ARSF: variants seen among roughly 807,000 people sequenced by gnomAD.
ARSF encodes the protein arylsulfatase F.
ARSF carries 33 observed loss-of-function variants against 35.4 expected under a neutral mutation model. That is an observed-to-expected ratio of 0.93 (90% CI 0.71 to 1.25). The LOEUF is 1.25. Ranked by LOEUF, ARSF falls within the 50% of genes most tolerant of loss-of-function variation. The pLI, the probability that ARSF is intolerant of heterozygous loss-of-function variation, is 0.00. For synonymous variants in ARSF, 222 were observed against 193.1 expected, an observed-to-expected ratio of 1.15 and a Z score of -1.24; for missense variants, 501 against 480.2, an observed-to-expected ratio of 1.04 and a Z score of -0.40.
chrX:3,045,222 G>A (rs1314962104), intron 1 of ARSF, among the ~76,000 whole-genome samples: 3 of 111,944 alleles, frequency 2.7e-5, no homozygotes, highest in African/African-American at 9.7e-5. Context: ...TGGTAATGAA[G>A]TGGCATCATT....
chrX:3,084,571 C>T lies in ARSF; in HGVS notation c.735C>T (p.Cys245=), dbSNP rs1224131442. The T allele has an allele frequency of 1.7e-6, 2 of 1,211,368 alleles. No individual in the cohort carries two copies. Among genetic ancestry groups the T allele is most frequent in the Admixed American group, 4.3e-5 (2 of 45,978 alleles). Residue 245 remains cysteine (C), a synonymous_variant, in exon 6 of 11, where the codon TGC becomes TGT. Coordinates refer to ENST00000381127, the MANE Select transcript of ARSF (RefSeq NM_001201539.2). ...SSHTSPLYWD[C]LLMRGHEITE... ...ACACGTCCCCTTTATACTGGGACTG[C>T]CTCCTCATGCGGGGGCACGAGATCA...
chrX:3,100,613 T>G (rs1392261812), intron 7 of ARSF, among the ~76,000 whole-genome samples: 1 of 112,217 alleles, frequency 8.9e-6, no homozygotes, highest in African/African-American at 3.2e-5. Flanking sequence ...TTTTTTGTTT[T>G]TTTGAGATGA....
Position 3,076,673 on chromosome X carries a change from C to T in ARSF, c.283+4C>T, listed in dbSNP as rs1284852912. 6 of 1,209,279 alleles carry T rather than the reference C, an allele frequency of 5.0e-6. No individual in the cohort carries two copies. The South Asian group carries it at 7.1e-5, about 14-fold the overall frequency. Reference sequence around the variant, plus strand: ...GGAAGATACCCCATCCGATCAGGTGCGCAAACTGGCGGGCTCTGCTGGGCT... The same window carrying T: ...GGAAGATACCCCATCCGATCAGGTGTGCAAACTGGCGGGCTCTGCTGGGCT... On this transcript the variant is annotated splice_donor_region_variant and intron_variant, in intron 4 of 10. Coordinates refer to ENST00000381127, the MANE Select transcript of ARSF (RefSeq NM_001201539.2).
At chrX:3,045,559 T>C (rs1336472172) in intron 1 of ARSF, among the ~76,000 whole-genome samples, 3 of 108,959 alleles carry the variant, frequency 2.8e-5, no homozygotes, top group African/African-American at 1.0e-4. Context: ...CTAATCTTTT[T>C]TTTTTTTTTT....
upstream of ARSF, among the ~76,000 whole-genome samples, chrX:3,041,301 T>TA (rs1474326842): frequency 5.0e-5 from 5 of 100,179 alleles, no homozygotes; most frequent in East Asian, 1.2e-3. Flanking sequence ...TTCTTTTTCT[T>TA]TTTTTTTTTT....
In ARSF at chrX:3,068,061, C is replaced by G; in HGVS notation, c.-28-12C>G. On this transcript the variant is annotated splice_polypyrimidine_tract_variant and intron_variant, in intron 1 of 10. Transcript: ENST00000381127. ...TTGGTCTTTTAAATCACGTCTGTGTCTTCTGCCAAAGACAACAAGAAGGTA... is the reference window on the plus strand; with the variant it reads ...TTGGTCTTTTAAATCACGTCTGTGTGTTCTGCCAAAGACAACAAGAAGGTA... 2 of 1,122,348 alleles carry G rather than the reference C, an allele frequency of 1.8e-6. No individual in the cohort carries two copies. The highest frequency in any genetic ancestry group is 2.4e-6 in the Non-Finnish European group (2 of 841,829). 92.5% of individuals were successfully genotyped at this position (1,122,348 alleles called of 1,213,427 possible).
At chrX:3,092,549 C>T (rs372000319) in intron 7 of ARSF, among the ~76,000 whole-genome samples, 145 of 111,602 alleles carry the variant, frequency 1.3e-3, no homozygotes, top group African/African-American at 2.6e-3. Flanking sequence ...GATAATATTA[C>T]GCAAACGGAT....
intron 1 of ARSF, among the ~76,000 whole-genome samples, chrX:3,064,809 C>G (rs919598197): frequency 1.5e-3 from 166 of 111,348 alleles, no homozygotes; most frequent in African/African-American, 5.0e-3. Context: ...AACAACAGAT[C>G]CTGGAGAGGA....
chrX:3,083,422 A>G (rs2090217572), intron 5 of ARSF, among the ~76,000 whole-genome samples: 1 of 110,116 alleles, frequency 9.1e-6, no homozygotes, highest in African/African-American at 3.3e-5. Context: ...ACATCTATAC[A>G]TGCTCCATCT....
At chrX:3,065,455 TAAATAAATA>T (rs2090060740) in intron 1 of ARSF, among the ~76,000 whole-genome samples, 1 of 107,237 alleles carries the variant, frequency 9.3e-6, no homozygotes, top group African/African-American at 3.4e-5. Flanking sequence ...AATAAATAAA[TAAATAAATA>T]AAATAAAATC....
In ARSF at chrX:3,103,890, G is replaced by C. The variant is rs191096751; in HGVS notation, c.1231G>C (p.Ala411Pro). The C allele has an allele frequency of 7.4e-6, 9 of 1,209,418 alleles. No individual in the cohort carries two copies. The highest frequency in any genetic ancestry group is 1.0e-5 in the Non-Finnish European group (9 of 895,057). The change falls in exon 9 of 11, where the codon GCA (alanine) becomes CCA (proline). Residue 411 changes from alanine (A) to proline (P), a missense_variant. Coordinates refer to ENST00000381127, the MANE Select transcript of ARSF (RefSeq NM_001201539.2). ...TSLMDILPTV[A>P]SVSGGSLPQD... ...TTTAATGGATATTTTACCAACTGTC[G>C]CATCAGTGTCAGGAGGAAGTCTCCC...
At chrX:3,059,353 C>T (rs111544657) in intron 1 of ARSF, among the ~76,000 whole-genome samples, 166 of 107,807 alleles carry the variant, frequency 1.5e-3, no homozygotes, top group African/African-American at 5.0e-3. Context: ...GAAACAGCTC[C>T]GGTCTACAGC....
In ARSF at chrX:3,073,473, G is replaced by A. The variant is rs1445250686; in HGVS notation, c.161+1298G>A. 7.7e-5 allele frequency among the ~76,000 whole-genome samples: 7 copies of A among 91,096 alleles called. No homozygotes were observed. The Admixed American group carries it at 8.9e-4, about 12-fold the overall frequency. The allele number at this position is 91,096 out of a possible 115,157, so 79.1% of individuals were successfully genotyped here. A position where few individuals can be genotyped will look rare whatever the true frequency, so the allele number is the denominator to read the frequency against. On this transcript the variant is annotated intron_variant, in intron 3 of 10. Transcript: ENST00000381127. ...CCATGCTTTTACTATGACCATCCTG[G>A]TTAATGCTAGAGGCACTGGATGTGC...
chrX:3,069,266 T>A (rs2090086506), intron 2 of ARSF, among the ~76,000 whole-genome samples: 1 of 111,504 alleles, frequency 9.0e-6, no homozygotes, highest in African/African-American at 3.3e-5. Flanking sequence ...TAATTCCTTA[T>A]TTTATTTTAT....
chrX:3,084,621 G>A lies in ARSF; in HGVS notation c.785G>A (p.Arg262Gln), dbSNP rs188062068. The A allele has an allele frequency of 3.2e-5, 38 of 1,190,982 alleles. No individual in the cohort carries two copies. The highest frequency in any genetic ancestry group is 5.3e-5 in the African/African-American group (3 of 56,554). Residue 262 changes from arginine to glutamine, a missense_variant, in exon 6 of 11, where the codon CGA (arginine) becomes CAA (glutamine). Physicochemically the swap from Arg to Gln is conservative, Grantham distance 43 (BLOSUM62 1). Transcript: ENST00000381127. ...ACGGAGCAGCCCATGAAGGCTGAAC[G>A]AGCTGGATCCATTATGGTGAAGGAA... ...EITEQPMKAE[R>Q]AGSIMVKEAI...
intron 1 of ARSF, among the ~76,000 whole-genome samples, chrX:3,046,639 T>A (rs1435012282): frequency 6.3e-5 from 7 of 111,561 alleles, no homozygotes; most frequent in African/African-American, 2.3e-4. Flanking sequence ...ACTGCCTCTG[T>A]AGTTGCTAAA....
Position 3,112,701 on chromosome X carries a change from A to G in ARSF, c.*145A>G, listed in dbSNP as rs2090456324. 1.1e-6 allele frequency: 1 copy of G among 881,540 alleles called. No individual in the cohort carries two copies. The highest frequency in any genetic ancestry group is 1.5e-6 in the Non-Finnish European group (1 of 674,270). 72.6% of individuals were successfully genotyped at this position (881,540 alleles called of 1,213,427 possible). A position where few individuals can be genotyped will look rare whatever the true frequency, so the allele number is the denominator to read the frequency against. ...TCAATAAATTCATCTACCATTCCAG[A>G]TTATTAAAGGCCCACTGGTTGTTCC... On this transcript the variant is annotated 3_prime_UTR_variant, in exon 11 of 11. Transcript: ENST00000381127.
At chrX:3,084,813 G>A (rs1186890012) in intron 6 of ARSF, 147 bp downstream of exon 6, 1 of 578,844 alleles carries the variant, frequency 1.7e-6, no homozygotes, top group Non-Finnish European at 2.5e-6. Flanking sequence ...AATGGCTCTA[G>A]AATAAAGAAA....
chrX:3,101,177 G>A lies in ARSF; in HGVS notation c.1058G>A (p.Arg353Lys). The change falls in exon 8 of 11, where the codon AGG (arginine) becomes AAG (lysine). Residue 353 changes from arginine (R) to lysine (K), a missense_variant. Coordinates refer to ENST00000381127, the MANE Select transcript of ARSF (RefSeq NM_001201539.2). ...GATCACGGAGGGCATTTGGAAGCTAGGCGAGGGCATGCCCAACTTGGTGGA... is the reference window on the plus strand; with the variant it reads ...GATCACGGAGGGCATTTGGAAGCTAAGCGAGGGCATGCCCAACTTGGTGGA... ...TSDHGGHLEA[R>K]RGHAQLGGWN... is the part of the protein sequence containing the mutation. The A allele has an allele frequency of 1.7e-6, 2 of 1,211,419 alleles. No individual in the cohort carries two copies. The highest frequency in any genetic ancestry group is 2.2e-6 in the Non-Finnish European group (2 of 895,326).
Sources: allele counts gnomAD v4.1 joint callset (sites outside exome capture counted in the v4.1 genomes callset), GRCh38; gene constraint gnomAD v4.1.1; transcripts MANE v1.5; gene names NCBI Gene and HGNC (gene_info 2026-07-23, HGNC 2026-07-21).